Variants in TRIO observed in about 807,000 individuals in gnomAD.
The protein encoded by TRIO is trio Rho guanine nucleotide exchange factor.
Under a neutral mutation model 351.9 loss-of-function variants are expected in TRIO, and 58 were observed. The ratio of observed to expected loss-of-function variants is 0.16; its 90% CI spans 0.13 to 0.21. TRIO has a LOEUF of 0.21. Among genes scored for constraint, TRIO ranks in the 10% least tolerant of loss-of-function variants. The pLI is 1.00. For missense variants in TRIO, 3,201 were observed against 4,027.8 expected (o/e 0.79, Z 5.56); for synonymous variants, 1,758 against 1,595.7 (o/e 1.10, Z -2.42).
intron 41 of TRIO, 155 bp downstream of exon 41, chr5:14,477,118 C>A: frequency 1.5e-6 from 1 of 653,612 alleles, no homozygotes; most frequent in Non-Finnish European, 2.5e-6. Context: ...GAATTAAAAT[C>A]CCTTCTTCAA....
At chr5:14,246,638 C>T (rs1794453843) in intron 1 of TRIO, among the ~76,000 whole-genome samples, 1 of 152,226 alleles carries the variant, frequency 6.6e-6, no homozygotes, top group Non-Finnish European at 1.5e-5. Context: ...GGGCCAGCCT[C>T]AGGGAAGGGG....
rs763306866 is a variant in TRIO, at chr5:14,479,916, T to C, written c.6244-3T>C. The stretch of plus-strand genomic sequence containing the variant: ...CGATCTTTTCTCTCTCTTAAAACTG[T>C]AGGACTTAAAGCAGCGTCTTGGCCA... On this transcript the variant is annotated splice_polypyrimidine_tract_variant and splice_region_variant and intron_variant, in intron 42 of 56. Transcript: ENST00000344204. 6.2e-7 allele frequency: 1 copy of C among 1,613,940 alleles called. No homozygotes were observed. The highest frequency in any genetic ancestry group is 1.7e-5 in the Admixed American group (1 of 60,026).
At chr5:14,426,802 A>G (rs974078027) in intron 34 of TRIO, among the ~76,000 whole-genome samples, 3 of 152,300 alleles carry the variant, frequency 2.0e-5, no homozygotes, top group Admixed American at 2.0e-4. Context: ...GGAGACTCTC[A>G]GCACAGACGG....
At chr5:14,458,802 T>G (rs1753559763) in intron 34 of TRIO, among the ~76,000 whole-genome samples, 1 of 152,238 alleles carries the variant, frequency 6.6e-6, no homozygotes, top group Non-Finnish European at 1.5e-5. Flanking sequence ...AGGAACTGTG[T>G]CTACCTCATT....
intron 1 of TRIO, among the ~76,000 whole-genome samples, chr5:14,244,454 T>A (rs1227552161): frequency 1.3e-5 from 2 of 152,208 alleles, no homozygotes; most frequent in African/African-American, 4.8e-5. Context: ...GTTTTCATAG[T>A]AGTATGTAGA....
chr5:14,224,967 C>G (rs374326592), intron 1 of TRIO, among the ~76,000 whole-genome samples: 1 of 152,134 alleles, frequency 6.6e-6, no homozygotes, highest in Non-Finnish European at 1.5e-5. Context: ...CCTGAGCCTT[C>G]GTTCCTTGTT....
intron 2 of TRIO, among the ~76,000 whole-genome samples, chr5:14,275,656 T>A (rs1327875138): frequency 1.3e-5 from 2 of 151,812 alleles, no homozygotes; most frequent in African/African-American, 2.4e-5. Context: ...TGTTTTCATC[T>A]TCTTCTCCCC....
intron 1 of TRIO, among the ~76,000 whole-genome samples, chr5:14,157,251 A>T (rs996924509): frequency 6.6e-6 from 1 of 152,200 alleles, no homozygotes; most frequent in Non-Finnish European, 1.5e-5. Flanking sequence ...AATTCAAAGC[A>T]GCTATGTTTC....
intron 1 of TRIO, among the ~76,000 whole-genome samples, chr5:14,199,266 A>G (rs769607717): frequency 6.7e-6 from 1 of 149,936 alleles, no homozygotes; most frequent in Non-Finnish European, 1.5e-5. Flanking sequence ...ATATTTCTAG[A>G]TTCCATTAAA....
At chr5:14,251,159 G>A (rs781672776) in intron 1 of TRIO, among the ~76,000 whole-genome samples, 1 of 152,186 alleles carries the variant, frequency 6.6e-6, no homozygotes, top group Non-Finnish European at 1.5e-5. Flanking sequence ...GTATTATGGT[G>A]ATCAGGTGCT....
intron 1 of TRIO, among the ~76,000 whole-genome samples, chr5:14,228,195 A>G (rs961826961): frequency 2.0e-5 from 3 of 152,194 alleles, no homozygotes; most frequent in African/African-American, 7.2e-5. Flanking sequence ...CTTGGGGGAA[A>G]TGATATTTGT....
chr5:14,427,833 G>A (rs932627592), intron 34 of TRIO, among the ~76,000 whole-genome samples: 1 of 152,160 alleles, frequency 6.6e-6, no homozygotes, highest in African/African-American at 2.4e-5. Flanking sequence ...TCATGCCACA[G>A]ACCCACCTTC....
chr5:14,146,987 C>G (rs951964527), intron 1 of TRIO, among the ~76,000 whole-genome samples: 1 of 152,124 alleles, frequency 6.6e-6, no homozygotes, highest in Non-Finnish European at 1.5e-5. Flanking sequence ...GCAGGCAGGC[C>G]AATTAGTGTT....
At chr5:14,288,212 A>C (rs1292199176) in intron 4 of TRIO, among the ~76,000 whole-genome samples, 1 of 152,206 alleles carries the variant, frequency 6.6e-6, no homozygotes, top group Non-Finnish European at 1.5e-5. Flanking sequence ...TAAGTGTTTT[A>C]AGTAAAAATA....
chr5:14,284,657 G>A (rs1736289505), intron 3 of TRIO, among the ~76,000 whole-genome samples: 1 of 152,150 alleles, frequency 6.6e-6, no homozygotes, highest in Admixed American at 6.5e-5. Context: ...AAGTAGAGGG[G>A]CTTTGTAGTT....
intron 39 of TRIO, among the ~76,000 whole-genome samples, chr5:14,473,668 T>G (rs2126563105): frequency 6.6e-6 from 1 of 152,360 alleles, no homozygotes; most frequent in East Asian, 1.9e-4. Context: ...GGAGATATGA[T>G]TCTGACCAAA....
chr5:14,246,832 C>T (rs1054496102), intron 1 of TRIO, among the ~76,000 whole-genome samples: 1 of 152,196 alleles, frequency 6.6e-6, no homozygotes, highest in African/African-American at 2.4e-5. Flanking sequence ...TTCGGAGACA[C>T]CCCCCACACC....
At chr5:14,329,361 A>G (rs1156544220) in intron 9 of TRIO, among the ~76,000 whole-genome samples, 2 of 152,236 alleles carry the variant, frequency 1.3e-5, no homozygotes, top group African/African-American at 4.8e-5. Flanking sequence ...GGAGGGAATT[A>G]GGCCATGAGG....
intron 3 of TRIO, among the ~76,000 whole-genome samples, chr5:14,284,787 T>A (rs2152280045): frequency 6.6e-6 from 1 of 152,302 alleles, no homozygotes; most frequent in South Asian, 2.1e-4. Context: ...GTAAAACAAA[T>A]AAAACATATT....
Sources: gnomAD v4.1 joint callset for allele counts (sites outside exome capture counted in the v4.1 genomes callset) on GRCh38, gnomAD v4.1.1 for gene constraint, MANE v1.5 for transcripts, NCBI Gene and HGNC (gene_info 2026-07-23, HGNC 2026-07-21) for gene names.